ZHX3: variants seen among roughly 807,000 people sequenced by gnomAD.
The protein encoded by ZHX3 is zinc fingers and homeoboxes 3.
In ZHX3, 20 loss-of-function variants were observed where a neutral mutation model predicts 64.5. That is an observed-to-expected ratio of 0.31 (90% CI 0.22 to 0.45). The LOEUF is 0.45. Among genes scored for constraint, ZHX3 ranks in the 20% least tolerant of loss-of-function variants. The probability of loss-of-function intolerance (pLI) is 1.00; values close to 1 mark genes in which losing one functional copy is unlikely to be tolerated. For synonymous variants in ZHX3, 423 were observed against 461.6 expected (o/e 0.92, Z 1.07); for missense variants, 1,041 against 1,195.8 (o/e 0.87, Z 1.91).
chr20:41,317,309 T>G (rs768396668), intron 1 of ZHX3, 200 bp downstream of exon 1: 1 of 151,748 alleles, frequency 6.6e-6, no homozygotes, highest in Admixed American at 6.5e-5. Flanking sequence ...CCTCTCAGCA[T>G]GGGGGTGCTG....
At chr20:41,248,700 T>C (rs773034359) in intron 2 of ZHX3, among the ~76,000 whole-genome samples, 1 of 152,180 alleles carries the variant, frequency 6.6e-6, no homozygotes, top group Non-Finnish European at 1.5e-5. Context: ...TTTATAAAGC[T>C]CCCTCCTCTG....
At position 41,317,561 on chromosome 20, in the gene ZHX3, G is replaced by A. The variant is rs1327167203; in HGVS notation, c.-297C>T. 1.4e-5 allele frequency: 2 copies of A among 147,314 alleles called. No homozygotes were observed. The highest frequency in any genetic ancestry group is 3.0e-5 in the Non-Finnish European group (2 of 66,160). The allele number at this position is 147,314 out of a possible 1,614,324, so 9.1% of individuals were successfully genotyped here. A position where few individuals can be genotyped will look rare whatever the true frequency, so the allele number is the denominator to read the frequency against. On this transcript the variant is annotated 5_prime_UTR_variant, in exon 1 of 4. Coordinates refer to ENST00000683867, the MANE Select transcript of ZHX3 (RefSeq NM_001384317.1). ...GCGACCGGGCCGCTCTTCCCGCGCT[G>A]CGGGCCTCCCTCCCCGCGGCCGGGC...
chr20:41,282,973 A>G (rs1289384123), intron 1 of ZHX3, among the ~76,000 whole-genome samples: 1 of 152,002 alleles, frequency 6.6e-6, no homozygotes, highest in Non-Finnish European at 1.5e-5. Context: ...CAGTGGCATG[A>G]TCTTGGCTCA....
In ZHX3 at chr20:41,204,947, G is replaced by A. The variant is rs753571639; in HGVS notation, c.-31C>T. 9.9e-6 allele frequency: 15 copies of A among 1,513,574 alleles called. No individual in the cohort carries two copies. The Admixed American group carries it at 3.4e-4, about 35-fold the overall frequency. The allele number at this position is 1,513,574 out of a possible 1,614,324, so 93.8% of individuals were successfully genotyped here. The stretch of plus-strand genomic sequence containing the variant: ...CAATCACTGGGTGATCAGCAGTTGA[G>A]AGCTTGTCCCATAAGGGGCCTAACA... On this transcript the variant is annotated 5_prime_UTR_variant, in exon 3 of 4. Transcript: ENST00000683867. The surrounding 1 kb of genome is among the most constrained non-coding windows in gnomAD (Gnocchi z 6.6).
At chr20:41,293,798 A>G (rs909741388) in intron 1 of ZHX3, among the ~76,000 whole-genome samples, 4 of 152,236 alleles carry the variant, frequency 2.6e-5, no homozygotes, top group African/African-American at 4.8e-5. Context: ...ACACATCTGA[A>G]AGATTGTCTC....
At chr20:41,317,082 GTGCACACGCGGAACGCACACTCGGGCA>G (rs2045309194) in intron 1 of ZHX3, 1 of 152,476 alleles carries the variant, frequency 6.6e-6, no homozygotes, top group Admixed American at 6.5e-5. Flanking sequence ...CGGCTCTCGG[GTGCACACGCGGAACGCACACTCGGGCA>G]TGCACTCTCA....
intron 2 of ZHX3, among the ~76,000 whole-genome samples, chr20:41,220,288 T>G (rs972080328): frequency 6.6e-6 from 1 of 152,166 alleles, no homozygotes; most frequent in South Asian, 2.1e-4. Flanking sequence ...AGTAGATAAG[T>G]TGAGAAAAGA....
intron 2 of ZHX3, among the ~76,000 whole-genome samples, chr20:41,258,749 T>G (rs2042400608): frequency 6.6e-6 from 1 of 152,236 alleles, no homozygotes; most frequent in Non-Finnish European, 1.5e-5. Flanking sequence ...TGGTTTCTGC[T>G]GGGTTTTTCC....
rs6102308 is a variant in ZHX3 at position 41,226,425 on chromosome 20, T to A, written c.-150-21359A>T. Among the ~76,000 whole-genome samples the A allele has an allele frequency of 4.6e-3, 706 of 152,336 alleles. 9 individuals are homozygous for A. The highest frequency in any genetic ancestry group is 0.015 in the African/African-American group (643 of 41,578). On this transcript the variant is annotated intron_variant, in intron 2 of 3. Coordinates refer to ENST00000683867, the MANE Select transcript of ZHX3 (RefSeq NM_001384317.1). This position sits in a 1 kb window ranked among gnomAD's most constrained non-coding sequence, Gnocchi z 4.4. ...CATGATATGTATATATCATATTTTA[T>A]TTATCCATTCATCCACTGATGGACA... is the stretch of plus-strand genomic sequence containing the variant.
Position 41,184,641 on chromosome 20 carries a change from G to A in ZHX3, c.*550C>T, listed in dbSNP as rs1293356346. On this transcript the variant is annotated 3_prime_UTR_variant, in exon 4 of 4. Coordinates refer to ENST00000683867, the MANE Select transcript of ZHX3 (RefSeq NM_001384317.1). ...CTCTTCAAAGGTACTGCTTCCTTGAGGAACACAAAGGGGGCACAAAGGGGT... is the reference window on the plus strand; with the variant it reads ...CTCTTCAAAGGTACTGCTTCCTTGAAGAACACAAAGGGGGCACAAAGGGGT... The A allele has an allele frequency of 2.4e-5, 11 of 458,982 alleles. No individual in the cohort carries two copies. Among genetic ancestry groups the A allele is most frequent in the Non-Finnish European group, 3.6e-5 (9 of 252,760 alleles). 28.4% of individuals were successfully genotyped at this position (458,982 alleles called of 1,614,324 possible).
intron 1 of ZHX3, chr20:41,272,419 C>A (rs2043188313): frequency 6.6e-6 from 1 of 152,178 alleles, no homozygotes; most frequent in Non-Finnish European, 1.5e-5. Flanking sequence ...GCATTTAGCA[C>A]ATTCACAGTA....
intron 3 of ZHX3, among the ~76,000 whole-genome samples, chr20:41,198,238 C>T (rs1252957206): frequency 1.3e-5 from 2 of 151,906 alleles, no homozygotes; most frequent in African/African-American, 2.4e-5. Flanking sequence ...CCTCGTGATC[C>T]ACCCGCCTCG....
chr20:41,215,930 C>A lies in ZHX3; in HGVS notation c.-150-10864G>T, dbSNP rs2039500754. On this transcript the variant is annotated intron_variant, in intron 2 of 3. Transcript: ENST00000683867. ...TGGCGCCACTGCACTCCAGCCTGGG[C>A]GACAGAGCGAGACTGTCCAAAAAAA... Among the ~76,000 whole-genome samples the A allele has an allele frequency of 4.2e-5, 6 of 141,220 alleles. No individual in the cohort carries two copies. The South Asian group carries it at 1.3e-3, about 31-fold the overall frequency. The allele number at this position is 141,220 out of a possible 152,430, so 92.6% of individuals were successfully genotyped here.
chr20:41,200,114 A>C lies in ZHX3; in HGVS notation c.2860+1943T>G, dbSNP rs1238105309. ...GCAGAGCTTGCGGATGCTGAAACAA[A>C]AAAAAACCATCAAAATTTGTAAGCC... On this transcript the variant is annotated intron_variant, in intron 3 of 3. Coordinates refer to ENST00000683867, the MANE Select transcript of ZHX3 (RefSeq NM_001384317.1). This position sits in a 1 kb window ranked among gnomAD's most constrained non-coding sequence, Gnocchi z 4.2. Among the ~76,000 whole-genome samples the C allele has an allele frequency of 6.6e-6, 1 of 151,494 alleles. No homozygotes were observed. The highest frequency in any genetic ancestry group is 1.5e-5 in the Non-Finnish European group (1 of 68,032).
In ZHX3 at chr20:41,287,414, A is replaced by C. The variant is rs114771243; in HGVS notation, c.-244-18331T>G. Among the ~76,000 whole-genome samples, 805 of 152,300 alleles carry C rather than the reference A, an allele frequency of 5.3e-3. 7 individuals are homozygous for C. Among genetic ancestry groups the C allele is most frequent in the Middle Eastern group, 0.024 (7 of 294 alleles). On this transcript the variant is annotated intron_variant, in intron 1 of 3. Coordinates refer to ENST00000683867, the MANE Select transcript of ZHX3 (RefSeq NM_001384317.1). ...TTAGGCAGGCTCTAAGATGGCCCCT[A>C]ATGATCTCTGCGTCCTGGTATTCAT...
Position 41,202,510 on chromosome 20 carries a change from G to A in ZHX3, c.2407C>T (p.Leu803=). Reference sequence around the variant, plus strand: ...CAGCGCACCACCTCTGGCCGTGGCAGACCCGTCTGGGCCATGATGGAGTCA... The same window carrying A: ...CAGCGCACCACCTCTGGCCGTGGCAAACCCGTCTGGGCCATGATGGAGTCA... ...DYDSIMAQTG[L]PRPEVVRWFG... The change falls in exon 3 of 4, where the codon CTG becomes TTG. Residue 803 remains leucine (L), a synonymous_variant. Coordinates refer to ENST00000683867, the MANE Select transcript of ZHX3 (RefSeq NM_001384317.1). This position sits in a 1 kb window ranked among gnomAD's most constrained non-coding sequence, Gnocchi z 7.0. 1 of 1,614,208 alleles carries A rather than the reference G, an allele frequency of 6.2e-7. No homozygotes were observed. Among genetic ancestry groups the A allele is most frequent in the Non-Finnish European group, 8.5e-7 (1 of 1,180,040 alleles).
At chr20:41,229,977 A>G (rs559408512) in intron 2 of ZHX3, among the ~76,000 whole-genome samples, 5 of 152,282 alleles carry the variant, frequency 3.3e-5, no homozygotes, top group African/African-American at 1.2e-4. Context: ...TCCATTAGAT[A>G]GCCAGTTTTC....
At position 41,224,956 on chromosome 20, in the gene ZHX3, C is replaced by T. The variant is rs537838475; in HGVS notation, c.-150-19890G>A. Among the ~76,000 whole-genome samples the T allele has an allele frequency of 3.3e-5, 5 of 152,348 alleles. No homozygotes were observed. Among genetic ancestry groups the T allele is most frequent in the Admixed American group, 2.0e-4 (3 of 15,296 alleles). On this transcript the variant is annotated intron_variant, in intron 2 of 3. Coordinates refer to ENST00000683867, the MANE Select transcript of ZHX3 (RefSeq NM_001384317.1). This position sits in a 1 kb window ranked among gnomAD's most constrained non-coding sequence, Gnocchi z 5.2. ...TTCTTTTCCTGCTTATTGTCTTTCA[C>T]TTTGGCTAGGCTGTAAGCTCTGTAA...
At chr20:41,263,464 G>C (rs1375530755) in intron 2 of ZHX3, among the ~76,000 whole-genome samples, 1 of 150,614 alleles carries the variant, frequency 6.6e-6, no homozygotes, top group African/African-American at 2.4e-5. Flanking sequence ...GCGTGATCTC[G>C]GCTCACTGCA....
Sources: gnomAD v4.1 joint callset for allele counts (sites outside exome capture counted in the v4.1 genomes callset) on GRCh38, gnomAD v4.1.1 for gene constraint, Gnocchi (gnomAD v3.1) non-coding constraint, MANE v1.5 for transcripts, NCBI Gene and HGNC (gene_info 2026-07-23, HGNC 2026-07-21) for gene names.